The following SECISBP2L variants were observed in gnomAD, a reference collection of about 807,000 sequenced individuals.
The protein encoded by SECISBP2L is SECIS binding protein 2 like.
Under a neutral mutation model 114.7 loss-of-function variants are expected in SECISBP2L, and 43 were observed. The observed-to-expected ratio is 0.38, with a 90% CI of 0.29 to 0.48. SECISBP2L has a LOEUF of 0.48. Ranked by LOEUF, SECISBP2L falls within the 20% of genes least tolerant of loss-of-function variation. The probability of loss-of-function intolerance (pLI) is 0.98; values close to 1 mark genes in which losing one functional copy is unlikely to be tolerated. For missense variants in SECISBP2L, 1,136 were observed against 1,301.1 expected (o/e 0.87, Z 1.95); for synonymous variants, 451 against 439.7 (o/e 1.03, Z -0.32).
intron 17 of SECISBP2L, among the ~76,000 whole-genome samples, chr15:48,993,572 G>A (rs1189465146): frequency 6.6e-6 from 1 of 152,152 alleles, no homozygotes; most frequent in Non-Finnish European, 1.5e-5. Flanking sequence ...TTTGTACCAT[G>A]CTCACTCAGC....
Position 49,035,635 on chromosome 15 carries a change from T to C in SECISBP2L, c.227A>G (p.Asp76Gly), listed in dbSNP as rs1902990502. 1 of 1,611,412 alleles carries C rather than the reference T, an allele frequency of 6.2e-7. No homozygotes were observed. The highest frequency in any genetic ancestry group is 1.1e-5 in the South Asian group (1 of 90,986). Residue 76 changes from aspartate (D) to glycine (G), a missense_variant, in exon 3 of 18, where the codon GAT becomes GGT. Coordinates refer to ENST00000559471, the MANE Select transcript of SECISBP2L (RefSeq NM_001193489.2). ...SNRQFPLYNN[D>G]IRWQQPNPNP... ...TGGATTGGGTTGTTGCCATCGTATA[T>C]CATTGTTATATAAAGGAAACTGTCT...
chr15:49,039,064 A>G (rs933978980), intron 1 of SECISBP2L, among the ~76,000 whole-genome samples: 3 of 152,212 alleles, frequency 2.0e-5, no homozygotes, highest in African/African-American at 7.2e-5. Flanking sequence ...AAATATTTAT[A>G]AATGCTTGTT....
chr15:49,004,101 C>G (rs2141064262), intron 14 of SECISBP2L, among the ~76,000 whole-genome samples: 1 of 152,252 alleles, frequency 6.6e-6, no homozygotes, highest in Middle Eastern at 3.4e-3. Flanking sequence ...ATATTAGTTA[C>G]TGCCTCAATT....
chr15:49,022,798 T>C (rs1902666912), intron 7 of SECISBP2L, among the ~76,000 whole-genome samples: 1 of 152,166 alleles, frequency 6.6e-6, no homozygotes, highest in Non-Finnish European at 1.5e-5. Context: ...GAAGAAGAGA[T>C]CAACTTTTCA....
intron 17 of SECISBP2L, chr15:48,995,925 C>G: frequency 6.4e-6 from 1 of 155,796 alleles, no homozygotes; most frequent in Admixed American, 6.2e-5. Context: ...AGACTATAGT[C>G]AAGTGCAGTA....
chr15:49,028,326 AC>A, intron 5 of SECISBP2L, 126 bp downstream of exon 5: 1 of 1,007,288 alleles, frequency 9.9e-7, no homozygotes. Flanking sequence ...AATACAAAAT[AC>A]ATTTGTAACT....
chr15:49,004,829 C>T (rs1407935100), intron 14 of SECISBP2L, among the ~76,000 whole-genome samples: 1 of 152,150 alleles, frequency 6.6e-6, no homozygotes, highest in East Asian at 1.9e-4. Flanking sequence ...TCTGCATTTG[C>T]TGAGGAGTGT....
chr15:49,000,735 A>G, intron 15 of SECISBP2L, 142 bp downstream of exon 15: 1 of 632,956 alleles, frequency 1.6e-6, no homozygotes, highest in Non-Finnish European at 2.7e-6. Context: ...TCAGGTATTG[A>G]AAGACTGCAT....
At chr15:49,046,002 A>C (rs756295582) in intron 1 of SECISBP2L, among the ~76,000 whole-genome samples, 19 of 152,196 alleles carry the variant, frequency 1.2e-4, no homozygotes, top group Non-Finnish European at 2.8e-4. Context: ...GAGAGCAGGG[A>C]CAACTTGGAG....
At position 48,988,646 on chromosome 15, in the gene SECISBP2L, C is replaced by A. The variant is rs1297001622; in HGVS notation, c.*3598G>T. 2.2e-6 allele frequency: 1 copy of A among 455,956 alleles called. No homozygotes were observed. The highest frequency in any genetic ancestry group is 4.4e-6 in the Non-Finnish European group (1 of 226,730). The allele number at this position is 455,956 out of a possible 1,614,324, so 28.2% of individuals were successfully genotyped here. ...TCTTCTGAAAGGACAGATTTCATTT[C>A]AATAATCATTTTATTAGTACAGAAG... On this transcript the variant is annotated 3_prime_UTR_variant, in exon 18 of 18. Coordinates refer to ENST00000559471, the MANE Select transcript of SECISBP2L (RefSeq NM_001193489.2).
intron 4 of SECISBP2L, among the ~76,000 whole-genome samples, chr15:49,028,946 C>A (rs890985652): frequency 6.6e-6 from 1 of 152,078 alleles, no homozygotes. Context: ...GCAACCTTTG[C>A]CTCCCAGGCT....
chr15:49,028,402 A>T lies in SECISBP2L; in HGVS notation c.894+51T>A, dbSNP rs752692213. 9.8e-5 allele frequency: 152 copies of T among 1,546,620 alleles called. 1 individual carries two copies. Among genetic ancestry groups the T allele is most frequent in the Non-Finnish European group, 1.3e-4 (142 of 1,120,548 alleles). ...TAAGCTTTAGCAGAGGATGCAAAAT[A>T]ATAATACTGATATCAATGACCAATA... On this transcript the variant is annotated intron_variant, in intron 5 of 17. Coordinates refer to ENST00000559471, the MANE Select transcript of SECISBP2L (RefSeq NM_001193489.2).
chr15:49,045,982 C>G (rs1161164700), intron 1 of SECISBP2L, among the ~76,000 whole-genome samples: 3 of 152,194 alleles, frequency 2.0e-5, no homozygotes, highest in Non-Finnish European at 4.4e-5. Context: ...GTTATAAGCC[C>G]TCCTCCCAGG....
At chr15:49,041,911 T>C (rs1351730097) in intron 1 of SECISBP2L, among the ~76,000 whole-genome samples, 1 of 152,218 alleles carries the variant, frequency 6.6e-6, no homozygotes, top group African/African-American at 2.4e-5. Context: ...TTTTTTTGAT[T>C]AAAATGCCGA....
At chr15:49,044,613 G>GA (rs1290114856) in intron 1 of SECISBP2L, among the ~76,000 whole-genome samples, 1 of 151,966 alleles carries the variant, frequency 6.6e-6, no homozygotes, top group Non-Finnish European at 1.5e-5. Context: ...AGAAGTACTG[G>GA]AAGAAAAAAA....
intron 7 of SECISBP2L, among the ~76,000 whole-genome samples, chr15:49,025,617 G>C (rs572433898): frequency 1.8e-4 from 28 of 151,890 alleles, no homozygotes; most frequent in Non-Finnish European, 3.5e-4. Context: ...TCAAGAGAAG[G>C]CATACATGAA....
chr15:49,013,038 T>C (rs1052326665), intron 11 of SECISBP2L: 5 of 474,648 alleles, frequency 1.1e-5, no homozygotes, highest in African/African-American at 7.8e-5. Context: ...AAGTCCATTA[T>C]AGGGGTAAAT....
intron 9 of SECISBP2L, among the ~76,000 whole-genome samples, 196 bp from the exon 10 acceptor site, chr15:49,017,211 C>A (rs1009796034): frequency 1.3e-5 from 2 of 152,148 alleles, no homozygotes; most frequent in African/African-American, 4.8e-5. Flanking sequence ...CAGCTTAATG[C>A]AGTGGGTGAT....
chr15:49,026,503 CAT>C, intron 7 of SECISBP2L, among the ~76,000 whole-genome samples: 1 of 152,210 alleles, frequency 6.6e-6, no homozygotes, highest in Middle Eastern at 3.4e-3. Flanking sequence ...GTACAGTTAT[CAT>C]GTGTCGACTA....
Sources: gnomAD v4.1 joint callset for allele counts (sites outside exome capture counted in the v4.1 genomes callset) on GRCh38, gnomAD v4.1.1 for gene constraint, MANE v1.5 for transcripts, NCBI Gene and HGNC (gene_info 2026-07-23, HGNC 2026-07-21) for gene names.